Variants in BABAM2 observed in about 807,000 individuals in gnomAD.
BABAM2 encodes BRISC and BRCA1 A complex member 2.
BABAM2 carries 31 observed loss-of-function variants against 54.7 expected under a neutral mutation model. That is an observed-to-expected ratio of 0.57 (90% CI 0.43 to 0.77). The LOEUF (loss-of-function observed/expected upper bound fraction) is 0.77. Among genes scored for constraint, BABAM2 ranks in the 30% least tolerant of loss-of-function variants. The pLI, the probability that BABAM2 is intolerant of heterozygous loss-of-function variation, is 0.00. For missense variants in BABAM2, 364 were observed against 455.8 expected, an observed-to-expected ratio of 0.80 and a Z score of 1.83; for synonymous variants, 167 against 162.9, an observed-to-expected ratio of 1.03 and a Z score of -0.19.
chr2:28,017,934 C>CT (rs1448404348), intron 4 of BABAM2, among the ~76,000 whole-genome samples: 2 of 152,068 alleles, frequency 1.3e-5, no homozygotes, highest in Admixed American at 6.6e-5. Context: ...GTTGTTTGTA[C>CT]TTTTTAGCTA....
In BABAM2 at chr2:28,113,581, C is replaced by T. The variant is rs530484946; in HGVS notation, c.571-15690C>T. ...GGTAGTGTAGTTTGAAGTCAGGTAGCGTGATGCCTCCAGCTCTGTTCTTTT... is the reference window on the plus strand; with the variant it reads ...GGTAGTGTAGTTTGAAGTCAGGTAGTGTGATGCCTCCAGCTCTGTTCTTTT... On this transcript the variant is annotated intron_variant, in intron 6 of 11. Coordinates refer to ENST00000379624, the MANE Select transcript of BABAM2 (RefSeq NM_199191.3). Among the ~76,000 whole-genome samples the T allele has an allele frequency of 7.2e-5, 11 of 152,192 alleles. No individual in the cohort carries two copies. The South Asian group carries it at 1.2e-3, about 17-fold the overall frequency.
At chr2:27,898,958 A>T (rs976199311) in intron 2 of BABAM2, among the ~76,000 whole-genome samples, 3 of 143,638 alleles carry the variant, frequency 2.1e-5, no homozygotes, top group Non-Finnish European at 4.6e-5. Context: ...AGCTGTCATT[A>T]AAAAAAAAAA....
chr2:27,949,788 A>T (rs1234049697), intron 3 of BABAM2, among the ~76,000 whole-genome samples: 2 of 152,104 alleles, frequency 1.3e-5, no homozygotes, highest in African/African-American at 4.8e-5. Context: ...TGGTGTTGAA[A>T]AGGGAATTGA....
intron 7 of BABAM2, among the ~76,000 whole-genome samples, chr2:28,185,790 C>A (rs181851287): frequency 6.6e-6 from 1 of 151,684 alleles, no homozygotes; most frequent in Admixed American, 6.6e-5. Context: ...ATTGTTTAAT[C>A]TTCTTGTGCC....
At chr2:28,275,164 C>G (rs762931044) in intron 10 of BABAM2, among the ~76,000 whole-genome samples, 6 of 152,260 alleles carry the variant, frequency 3.9e-5, no homozygotes, top group South Asian at 2.1e-4. Flanking sequence ...TCTAAAGCAC[C>G]CCCATGCACA....
At chr2:28,333,701 A>G (rs564752657) in intron 11 of BABAM2, among the ~76,000 whole-genome samples, 8 of 152,370 alleles carry the variant, frequency 5.3e-5, no homozygotes, top group African/African-American at 1.2e-4. Flanking sequence ...CCATCTAAAA[A>G]TAGATTCCCT....
At chr2:28,334,854 T>A (rs1385203326) in intron 11 of BABAM2, among the ~76,000 whole-genome samples, 1 of 152,142 alleles carries the variant, frequency 6.6e-6, no homozygotes, top group Non-Finnish European at 1.5e-5. Flanking sequence ...TCTCCTGCCC[T>A]GCCCGGCCTT....
At chr2:27,892,446 T>C (rs576938249) in intron 1 of BABAM2, 11 of 152,324 alleles carry the variant, frequency 7.2e-5, no homozygotes, top group Non-Finnish European at 1.3e-4. Context: ...TTCGGTAATA[T>C]AGGTGAGACC....
intron 6 of BABAM2, among the ~76,000 whole-genome samples, chr2:28,060,728 T>C (rs1463042658): frequency 6.6e-6 from 1 of 152,142 alleles, no homozygotes; most frequent in African/African-American, 2.4e-5. Context: ...AGATAACATT[T>C]ATAATAACAT....
At chr2:27,906,916 A>C (rs142498196) in intron 2 of BABAM2, among the ~76,000 whole-genome samples, 105 of 152,334 alleles carry the variant, frequency 6.9e-4, no homozygotes, top group African/African-American at 2.4e-3. Context: ...CAAATTTACA[A>C]AATGCTTTGA....
chr2:27,926,095 T>TC (rs1667683616), intron 2 of BABAM2, among the ~76,000 whole-genome samples: 1 of 148,996 alleles, frequency 6.7e-6, no homozygotes, highest in South Asian at 2.1e-4. Context: ...CTTGTGGTCT[T>TC]TTTTTTTTTT....
chr2:27,945,820 GT>G (rs1669259664), intron 3 of BABAM2, among the ~76,000 whole-genome samples: 1 of 135,920 alleles, frequency 7.4e-6, no homozygotes, highest in South Asian at 2.6e-4. Flanking sequence ...TTTGAACTTT[GT>G]TTTCCTGAAC....
At chr2:28,160,787 AGT>A (rs1296844345) in intron 7 of BABAM2, among the ~76,000 whole-genome samples, 1 of 143,716 alleles carries the variant, frequency 7.0e-6, no homozygotes, top group Non-Finnish European at 1.5e-5. Context: ...TGAAATAGTG[AGT>A]GTGGGCAAAT....
chr2:28,242,773 A>T lies in BABAM2; in HGVS notation c.851+1380A>T, dbSNP rs1033848072. ...ACATTTTTCTCATTCCCATAATGGA[A>T]TTTTTCATTTCTCCGAAATAGAAGT... On this transcript the variant is annotated intron_variant, in intron 9 of 11. Coordinates refer to ENST00000379624, the MANE Select transcript of BABAM2 (RefSeq NM_199191.3). Among the ~76,000 whole-genome samples, 4 of 152,240 alleles carry T rather than the reference A, an allele frequency of 2.6e-5. No homozygotes were observed. The East Asian group carries it at 7.7e-4, about 29-fold the overall frequency.
chr2:28,124,539 C>G (rs758838337), intron 6 of BABAM2, among the ~76,000 whole-genome samples: 5 of 152,114 alleles, frequency 3.3e-5, no homozygotes, highest in Non-Finnish European at 7.4e-5. Context: ...CATTTAGTTT[C>G]TAGACATTAT....
At chr2:28,212,858 G>GAGT (rs59764644) in intron 7 of BABAM2, among the ~76,000 whole-genome samples, 1 of 152,142 alleles carries the variant, frequency 6.6e-6, no homozygotes, top group Non-Finnish European at 1.5e-5. Context: ...TCTTACTGAG[G>GAGT]GTAATTCTTA....
chr2:28,166,573 G>C (rs563913747), intron 7 of BABAM2, among the ~76,000 whole-genome samples: 1 of 152,222 alleles, frequency 6.6e-6, no homozygotes, highest in Non-Finnish European at 1.5e-5. Flanking sequence ...TCAGCAACTA[G>C]AGATTTGAGG....
At chr2:28,188,678 C>T (rs1204281815) in intron 7 of BABAM2, among the ~76,000 whole-genome samples, 1 of 152,130 alleles carries the variant, frequency 6.6e-6, no homozygotes, top group Non-Finnish European at 1.5e-5. Flanking sequence ...GGTTCTGCCA[C>T]CTAGATACAC....
intron 7 of BABAM2, among the ~76,000 whole-genome samples, chr2:28,186,394 C>A (rs1573785584): frequency 6.6e-6 from 1 of 152,070 alleles, no homozygotes; most frequent in Non-Finnish European, 1.5e-5. Flanking sequence ...GAATTTTTGT[C>A]TTTATGGGAA....
Sources: gnomAD v4.1 joint callset for allele counts (sites outside exome capture counted in the v4.1 genomes callset) on GRCh38, gnomAD v4.1.1 for gene constraint, MANE v1.5 for transcripts, NCBI Gene and HGNC (gene_info 2026-07-23, HGNC 2026-07-21) for gene names.